Variants in DHX57 observed in about 807,000 individuals in gnomAD.
DHX57 encodes the protein putative ATP-dependent RNA helicase DHX57.
A neutral mutation model predicts 156.2 loss-of-function variants in DHX57; 105 were observed. The ratio of observed to expected loss-of-function variants is 0.67; its 90% CI spans 0.57 to 0.79. DHX57 has a LOEUF of 0.79. Among genes scored for constraint, DHX57 ranks in the 30% least tolerant of loss-of-function variants. The pLI is 0.00. For synonymous variants in DHX57, 704 were observed against 595.6 expected (o/e 1.18, Z -2.65); for missense variants, 1,847 against 1,661.9 (o/e 1.11, Z -1.94).
intron 21 of DHX57, chr2:38,810,987 C>T (rs1287146626): frequency 3.7e-5 from 29 of 788,450 alleles, no homozygotes; most frequent in Non-Finnish European, 5.9e-5. Context: ...TCACAGGGAC[C>T]CCTTTTTTAC....
chr2:38,861,133 G>A lies in DHX57; in HGVS notation c.1277C>T (p.Thr426Met), dbSNP rs758306533. 10 of 1,614,040 alleles carry A rather than the reference G, an allele frequency of 6.2e-6. No individual in the cohort carries two copies. The highest frequency in any genetic ancestry group is 1.1e-5 in the South Asian group (1 of 91,084). Residue 426 changes from threonine (T) to methionine (M), a missense_variant, in exon 5 of 24, where the codon ACG becomes ATG. Transcript: ENST00000457308. ...GTCACTATACTTGTGGTGGGTATTC[G>A]TTAGTAACTTGACTATTTCCGACTC... ...EEESEIVKLL[T>M]NTHHKYSDPP...
At chr2:38,811,274 G>A in intron 21 of DHX57, 2 of 517,624 alleles carry the variant, frequency 3.9e-6, no homozygotes, top group East Asian at 4.7e-5. Context: ...GGGGGCCAGC[G>A]AGTAGCAGGC....
At position 38,856,596 on chromosome 2, in the gene DHX57, C is replaced by T. The variant is rs897600504; in HGVS notation, c.1588-135G>A. 4.7e-5 allele frequency: 54 copies of T among 1,146,022 alleles called. No individual in the cohort carries two copies. The African/African-American group carries it at 7.5e-4, about 16-fold the overall frequency. 71.0% of individuals were successfully genotyped at this position (1,146,022 alleles called of 1,614,324 possible). The stretch of plus-strand genomic sequence containing the variant: ...ACGGCTCACTCCAATCTGCACTTCC[C>T]AGGCTCTAGCGATCCTCCCGCCTCA... On this transcript the variant is annotated intron_variant, in intron 6 of 23. Coordinates refer to ENST00000457308, the MANE Select transcript of DHX57 (RefSeq NM_198963.3).
intron 2 of DHX57, among the ~76,000 whole-genome samples, chr2:38,866,257 G>A (rs1013359823): frequency 1.3e-5 from 2 of 152,076 alleles, no homozygotes; most frequent in Non-Finnish European, 2.9e-5. Context: ...TATACAGTCT[G>A]GTCTTTCTGA....
intron 21 of DHX57, among the ~76,000 whole-genome samples, chr2:38,807,306 C>T (rs781239176): frequency 6.6e-6 from 1 of 152,090 alleles, no homozygotes; most frequent in Non-Finnish European, 1.5e-5. Context: ...CTGCCTGCCT[C>T]GGCCTCCCAA....
At chr2:38,825,491 T>G (rs953148462) in intron 16 of DHX57, among the ~76,000 whole-genome samples, 33 of 152,008 alleles carry the variant, frequency 2.2e-4, no homozygotes, top group Non-Finnish European at 3.4e-4. Flanking sequence ...TTAGTAGAGA[T>G]GGAGTTTTGC....
At chr2:38,821,679 C>A (rs777923187) in intron 17 of DHX57, among the ~76,000 whole-genome samples, 1 of 151,948 alleles carries the variant, frequency 6.6e-6, no homozygotes, top group Non-Finnish European at 1.5e-5. Context: ...GGCAACAGAG[C>A]GAGACCCCAT....
chr2:38,851,571 A>G (rs1672596170), intron 9 of DHX57, among the ~76,000 whole-genome samples: 1 of 152,126 alleles, frequency 6.6e-6, no homozygotes, highest in Admixed American at 6.5e-5. Context: ...ATTAATCTTT[A>G]TTCAGATGTG....
At chr2:38,864,280 C>T (rs528352948) in intron 2 of DHX57, among the ~76,000 whole-genome samples, 1 of 149,806 alleles carries the variant, frequency 6.7e-6, no homozygotes, top group Admixed American at 6.7e-5. Context: ...GGCATTGGCT[C>T]ACACCTGTAA....
In DHX57 at chr2:38,837,602, A is replaced by T. The variant is rs983644060; in HGVS notation, c.2542+229T>A. Among the ~76,000 whole-genome samples the T allele has an allele frequency of 3.3e-5, 5 of 150,396 alleles. 1 individual carries two copies. The highest frequency in any genetic ancestry group is 2.0e-4 in the Admixed American group (3 of 14,942). ...CTCCAGCCTGGGCAACAAGAGCAAA[A>T]CCCCGTCTCAAAAAAAAAAAAAGAT... is the stretch of plus-strand genomic sequence containing the variant. On this transcript the variant is annotated intron_variant, in intron 13 of 23. Transcript: ENST00000457308.
intron 17 of DHX57, among the ~76,000 whole-genome samples, chr2:38,819,413 C>T (rs565027656): frequency 6.6e-6 from 1 of 152,286 alleles, no homozygotes; most frequent in South Asian, 2.1e-4. Context: ...TGGGCTCAGG[C>T]AATTGGCCCA....
chr2:38,862,256 T>G lies in DHX57; in HGVS notation c.461A>C (p.Glu154Ala). ...NDERYWPAGQEPSLVPDLDPL... is the reference protein window; with the variant it reads ...NDERYWPAGQAPSLVPDLDPL... ...ATCCAAGTCGGGAACGAGGGAAGGT[T>G]CCTGTCCAGCTGGCCAGTACCGCTC... is the stretch of plus-strand genomic sequence containing the variant. The change falls in exon 4 of 24, where the codon GAA becomes GCA. Residue 154 changes from glutamate (E) to alanine (A), a missense_variant. By Grantham distance (107) the Glu-to-Ala change is moderately radical (BLOSUM62 -1). Transcript: ENST00000457308. 1 of 1,613,972 alleles carries G rather than the reference T, an allele frequency of 6.2e-7. No individual in the cohort carries two copies. The highest frequency in any genetic ancestry group is 8.5e-7 in the Non-Finnish European group (1 of 1,179,884).
chr2:38,856,493 G>C, intron 6 of DHX57, 32 bp from the exon 7 acceptor site: 1 of 1,545,932 alleles, frequency 6.5e-7, no homozygotes, highest in Non-Finnish European at 8.7e-7. Flanking sequence ...TATCAGTTGG[G>C]TTACTTTTTC....
In DHX57 at chr2:38,798,308, G is replaced by C; in HGVS notation, c.4152C>G (p.Thr1384=). 6.2e-7 allele frequency: 1 copy of C among 1,612,488 alleles called. No individual in the cohort carries two copies. The highest frequency in any genetic ancestry group is 8.5e-7 in the Non-Finnish European group (1 of 1,179,518). Residue 1384 remains threonine, a synonymous_variant, in exon 24 of 24, where the codon ACC becomes ACG. Coordinates refer to ENST00000457308, the MANE Select transcript of DHX57 (RefSeq NM_198963.3). ...RIISTIVKLV[T]TQ ...TCTCTAAGACTGCTTTTTATTGTGT[G>C]GTGACAAGTTTCACAATTGTGCTGA...
In DHX57 at chr2:38,828,382, T is replaced by C. The variant is rs1433578049; in HGVS notation, c.2597A>G (p.Gln866Arg). The change falls in exon 14 of 24, where the codon CAG (glutamine) becomes CGG (arginine). Residue 866 changes from glutamine to arginine, a missense_variant. Gln to Arg is a conservative substitution (Grantham distance 43). Coordinates refer to ENST00000457308, the MANE Select transcript of DHX57 (RefSeq NM_198963.3). ...GTTGAAAAGAGAATTAGACTGTAGCTGTTCATAAAGCATTTTGATTTCTGC... is the reference window on the plus strand; with the variant it reads ...GTTGAAAAGAGAATTAGACTGTAGCCGTTCATAAAGCATTTTGATTTCTGC... ...GLAEIKMLYEQLQSNSLFNNR... is the reference protein window; with the variant it reads ...GLAEIKMLYERLQSNSLFNNR... The C allele has an allele frequency of 6.2e-7, 1 of 1,613,712 alleles. No homozygotes were observed. Among genetic ancestry groups the C allele is most frequent in the Non-Finnish European group, 8.5e-7 (1 of 1,179,822 alleles).
At chr2:38,868,570 T>A (rs993192256) in intron 1 of DHX57, among the ~76,000 whole-genome samples, 159 bp from the exon 2 acceptor site, 19 of 152,130 alleles carry the variant, frequency 1.2e-4, no homozygotes, top group African/African-American at 4.1e-4. Context: ...TCTGTTCCAG[T>A]GAAAAAATTT....
chr2:38,856,661 A>G, intron 6 of DHX57, 200 bp from the exon 7 acceptor site: 1 of 525,876 alleles, frequency 1.9e-6, no homozygotes, highest in South Asian at 3.2e-5. Flanking sequence ...GTGCCACTAT[A>G]CCCGGCTTTT....
chr2:38,829,621 A>T (rs1320773000), intron 13 of DHX57, among the ~76,000 whole-genome samples: 2 of 152,042 alleles, frequency 1.3e-5, no homozygotes, highest in Non-Finnish European at 2.9e-5. Context: ...GTCTCACTAT[A>T]CTGCCAAGGA....
At chr2:38,875,492 C>A (rs1004155648) in intron 1 of DHX57, among the ~76,000 whole-genome samples, 117 of 152,308 alleles carry the variant, frequency 7.7e-4, no homozygotes, top group African/African-American at 2.7e-3. Flanking sequence ...TTCAATCAAC[C>A]CCTTAGCCTG....
Sources: gnomAD v4.1 joint callset for allele counts (sites outside exome capture counted in the v4.1 genomes callset) on GRCh38, gnomAD v4.1.1 for gene constraint, MANE v1.5 for transcripts, NCBI Gene and HGNC (gene_info 2026-07-23, HGNC 2026-07-21) for gene names.